Variants in EXOC2 observed in about 807,000 individuals in gnomAD.
The protein encoded by EXOC2 is exocyst complex component 2.
A neutral mutation model predicts 131.8 loss-of-function variants in EXOC2; 70 were observed. The ratio of observed to expected loss-of-function variants is 0.53; its 90% CI spans 0.44 to 0.65. The LOEUF (loss-of-function observed/expected upper bound fraction) is 0.65, where lower values mean the gene tolerates loss of function less well. Among genes scored for constraint, EXOC2 ranks in the 30% least tolerant of loss-of-function variants. The probability of loss-of-function intolerance (pLI) is 0.00; values close to 1 mark genes in which losing one functional copy is unlikely to be tolerated. For missense variants in EXOC2, 923 were observed against 1,108.6 expected, an observed-to-expected ratio of 0.83 and a Z score of 2.38; for synonymous variants, 411 against 398.4, an observed-to-expected ratio of 1.03 and a Z score of -0.38.
intron 13 of EXOC2, among the ~76,000 whole-genome samples, chr6:567,596 T>C (rs914562380): frequency 6.6e-6 from 1 of 152,262 alleles, no homozygotes; most frequent in African/African-American, 2.4e-5. Context: ...ACATACTGAG[T>C]ACATGCATGC....
intron 23 of EXOC2, among the ~76,000 whole-genome samples, chr6:513,754 T>C (rs1390327409): frequency 6.6e-6 from 1 of 152,254 alleles, no homozygotes; most frequent in Admixed American, 6.5e-5. Context: ...ATTATTAGTA[T>C]GTGATATTAT....
chr6:649,479 C>T (rs992744137), intron 1 of EXOC2, among the ~76,000 whole-genome samples: 5 of 152,086 alleles, frequency 3.3e-5, no homozygotes, highest in East Asian at 3.8e-4. Context: ...TACACACTTA[C>T]GTACTATCCA....
chr6:553,031 C>G (rs912628523), intron 21 of EXOC2, among the ~76,000 whole-genome samples: 2 of 152,144 alleles, frequency 1.3e-5, no homozygotes, highest in South Asian at 2.1e-4. Context: ...GATTCTCCTG[C>G]CTCAGCCTCC....
chr6:662,260 A>G (rs1763455863), intron 1 of EXOC2, among the ~76,000 whole-genome samples: 1 of 152,248 alleles, frequency 6.6e-6, no homozygotes, highest in African/African-American at 2.4e-5. Context: ...ACAGAAAGTC[A>G]ACAAAGAAAC....
intron 23 of EXOC2, among the ~76,000 whole-genome samples, chr6:503,654 T>C (rs1228500061): frequency 6.6e-6 from 1 of 152,212 alleles, no homozygotes; most frequent in East Asian, 1.9e-4. Context: ...TATATTTATT[T>C]TGTGAAGTCC....
chr6:553,507 A>G (rs961918681), intron 21 of EXOC2, among the ~76,000 whole-genome samples: 1 of 152,088 alleles, frequency 6.6e-6, no homozygotes, highest in African/African-American at 2.4e-5. Context: ...TTGAAGAGGC[A>G]GGAGCCGTGA....
chr6:506,898 A>G lies in EXOC2; in HGVS notation c.2381-7198T>C, dbSNP rs1764562608. ...AGTTTCCTCTTTTAATCATATAGGA[A>G]GGTCACTTGATTTTGGAACAGGCAA... On this transcript the variant is annotated intron_variant, in intron 23 of 27. Transcript: ENST00000230449. This position sits in a 1 kb window ranked among gnomAD's most constrained non-coding sequence, Gnocchi z 4.4. Among the ~76,000 whole-genome samples, 1 of 152,140 alleles carries G rather than the reference A, an allele frequency of 6.6e-6. No homozygotes were observed. The highest frequency in any genetic ancestry group is 1.5e-5 in the Non-Finnish European group (1 of 68,010).
At chr6:632,862 C>A in intron 3 of EXOC2, 79 bp downstream of exon 3, 1 of 1,405,564 alleles carries the variant, frequency 7.1e-7, no homozygotes, top group Non-Finnish European at 9.6e-7. Flanking sequence ...AGGTTTTACA[C>A]GAATCTACCA....
rs1409438570 is a variant in EXOC2, at chr6:534,845, C to T, written c.2239-2235G>A. ...TTCTCTAGTATCTATAAACACAAAC[C>T]GAAATAGATGATTAGAGACTCCCTG... On this transcript the variant is annotated intron_variant, in intron 22 of 27. Coordinates refer to ENST00000230449, the MANE Select transcript of EXOC2 (RefSeq NM_018303.6). 2.6e-5 allele frequency among the ~76,000 whole-genome samples: 4 copies of T among 152,042 alleles called. No individual in the cohort carries two copies. The East Asian group carries it at 5.8e-4, about 22-fold the overall frequency.
chr6:613,990 A>G (rs1760849182), intron 6 of EXOC2, among the ~76,000 whole-genome samples: 3 of 152,200 alleles, frequency 2.0e-5, no homozygotes, highest in South Asian at 4.1e-4. Context: ...TACAAAGAAT[A>G]TTACAAATAA....
At chr6:510,607 A>C (rs1315176312) in intron 23 of EXOC2, among the ~76,000 whole-genome samples, 1 of 152,174 alleles carries the variant, frequency 6.6e-6, no homozygotes, top group Non-Finnish European at 1.5e-5. Flanking sequence ...AAATATACGC[A>C]AGTGGAAAAA....
At chr6:634,156 C>A (rs1237021215) in intron 2 of EXOC2, among the ~76,000 whole-genome samples, 2 of 152,256 alleles carry the variant, frequency 1.3e-5, no homozygotes, top group South Asian at 4.1e-4. Context: ...ACCTCCATCT[C>A]CCACGCTCAA....
At chr6:634,871 G>A (rs537914269) in intron 2 of EXOC2, among the ~76,000 whole-genome samples, 2 of 152,088 alleles carry the variant, frequency 1.3e-5, no homozygotes, top group Admixed American at 1.3e-4. Context: ...TTAAGAGATT[G>A]AAAGCCTCTC....
At position 663,916 on chromosome 6, in the gene EXOC2, T is replaced by C. The variant is rs112046429; in HGVS notation, c.-43-26055A>G. ...CCACTCTCACCACTCCTCTTCAACA[T>C]AGTACTGCAAGTCCTAGCCAGAGCA... On this transcript the variant is annotated intron_variant, in intron 1 of 27. Coordinates refer to ENST00000230449, the MANE Select transcript of EXOC2 (RefSeq NM_018303.6). 9.4e-3 allele frequency among the ~76,000 whole-genome samples: 1,433 copies of C among 152,272 alleles called. 19 individuals are homozygous for C. Among genetic ancestry groups the C allele is most frequent in the African/African-American group, 0.032 (1,326 of 41,538 alleles).
intron 22 of EXOC2, among the ~76,000 whole-genome samples, chr6:541,293 A>G (rs1354052244): frequency 6.6e-6 from 1 of 152,212 alleles, no homozygotes; most frequent in Non-Finnish European, 1.5e-5. Context: ...CTAAAATACC[A>G]CTTGCGAAAA....
At chr6:515,453 C>G (rs1257384185) in intron 23 of EXOC2, among the ~76,000 whole-genome samples, 1 of 152,248 alleles carries the variant, frequency 6.6e-6, no homozygotes, top group African/African-American at 2.4e-5. Flanking sequence ...AATGTCGGCA[C>G]CACAGCAGGA....
chr6:526,014 T>TA (rs1439280938), intron 23 of EXOC2, among the ~76,000 whole-genome samples: 1 of 152,222 alleles, frequency 6.6e-6, no homozygotes, highest in Non-Finnish European at 1.5e-5. Flanking sequence ...CTACATATAT[T>TA]AAAAAATGTT....
intron 22 of EXOC2, among the ~76,000 whole-genome samples, chr6:542,449 G>A (rs1659788971): frequency 6.6e-6 from 1 of 152,154 alleles, no homozygotes; most frequent in Admixed American, 6.5e-5. Flanking sequence ...AGGAGGAGAG[G>A]CCCTACAGGC....
intron 23 of EXOC2, among the ~76,000 whole-genome samples, chr6:509,708 T>C (rs1462290556): frequency 6.6e-6 from 1 of 152,232 alleles, no homozygotes; most frequent in African/African-American, 2.4e-5. Context: ...CATCTTAACC[T>C]ATACCAAGAA....
Sources: gnomAD v4.1 joint callset for allele counts (sites outside exome capture counted in the v4.1 genomes callset) on GRCh38, gnomAD v4.1.1 for gene constraint, Gnocchi (gnomAD v3.1) non-coding constraint, MANE v1.5 for transcripts, NCBI Gene and HGNC (gene_info 2026-07-23, HGNC 2026-07-21) for gene names.